Variants in MCCC1 observed in about 807,000 individuals in gnomAD.
MCCC1 encodes methylcrotonoyl-CoA carboxylase subunit alpha, mitochondrial.
In MCCC1, 64 loss-of-function variants were observed where a neutral mutation model predicts 83.8. The ratio of observed to expected loss-of-function variants is 0.76; its 90% CI spans 0.62 to 0.94. The LOEUF is 0.94. Among genes scored for constraint, MCCC1 ranks in the 40% least tolerant of loss-of-function variants. The probability of loss-of-function intolerance (pLI) is 0.00; values close to 1 mark genes in which losing one functional copy is unlikely to be tolerated. For synonymous variants in MCCC1, 322 were observed against 315.4 expected (o/e 1.02, Z -0.22); for missense variants, 807 against 904.7 (o/e 0.89, Z 1.39).
intron 1 of MCCC1, among the ~76,000 whole-genome samples, chr3:183,109,041 G>C (rs2108585758): frequency 6.6e-6 from 1 of 152,242 alleles, no homozygotes; most frequent in Admixed American, 6.5e-5. Flanking sequence ...GCCCAAGCTG[G>C]AGTGCAGTGG....
intron 8 of MCCC1, among the ~76,000 whole-genome samples, chr3:183,052,895 A>T (rs1715099837): frequency 1.3e-5 from 2 of 150,986 alleles, no homozygotes; most frequent in Admixed American, 6.6e-5. Context: ...TTGTTTTTTT[A>T]ATTTACTATA....
intron 12 of MCCC1, 111 bp downstream of exon 12, chr3:183,038,915 G>T: frequency 1.0e-6 from 1 of 980,674 alleles, no homozygotes; most frequent in Non-Finnish European, 1.6e-6. Flanking sequence ...TTGGGCAATT[G>T]ATGGAAATAG....
chr3:183,113,263 G>C (rs978927117), intron 1 of MCCC1, among the ~76,000 whole-genome samples: 3 of 151,464 alleles, frequency 2.0e-5, no homozygotes, highest in Non-Finnish European at 2.9e-5. Context: ...AGTGGTGGGA[G>C]CCTGTGGTTC....
At chr3:183,100,815 G>T (rs1299558625), upstream of MCCC1, among the ~76,000 whole-genome samples, 5 of 152,254 alleles carry the variant, frequency 3.3e-5, no homozygotes, top group Non-Finnish European at 7.3e-5. Flanking sequence ...GAGCCCTTCA[G>T]TCCCCCACTG....
chr3:183,112,887 A>G (rs1719522647), intron 1 of MCCC1, among the ~76,000 whole-genome samples: 2 of 151,880 alleles, frequency 1.3e-5, no homozygotes, highest in Admixed American at 1.3e-4. Context: ...CAGCCTGGCA[A>G]TGTAGTGAGA....
At chr3:183,050,679 C>G (rs1427670979) in intron 9 of MCCC1, among the ~76,000 whole-genome samples, 39 of 135,188 alleles carry the variant, frequency 2.9e-4, no homozygotes, top group Non-Finnish European at 4.1e-4. Flanking sequence ...GCATTCCAGC[C>G]TGGGAGACAG....
intron 3 of MCCC1, among the ~76,000 whole-genome samples, chr3:183,091,913 C>G (rs921566898): frequency 5.3e-5 from 8 of 152,054 alleles, no homozygotes; most frequent in African/African-American, 1.7e-4. Flanking sequence ...TGGAGGGCAC[C>G]TATAGTTCCA....
upstream of MCCC1, among the ~76,000 whole-genome samples, chr3:183,102,291 A>G (rs1719324809): frequency 1.3e-5 from 2 of 152,134 alleles, no homozygotes; most frequent in Admixed American, 1.3e-4. Context: ...TGAGCCCAGG[A>G]GTTTGAAGCT....
At chr3:183,109,298 A>G (rs1436881912) in intron 1 of MCCC1, among the ~76,000 whole-genome samples, 1 of 151,880 alleles carries the variant, frequency 6.6e-6, no homozygotes, top group Non-Finnish European at 1.5e-5. Flanking sequence ...GGCCATGTGT[A>G]GGTTATTTAT....
intron 1 of MCCC1, 52 bp downstream of exon 1, chr3:183,099,300 G>A (rs535680063): frequency 4.5e-6 from 7 of 1,544,084 alleles, no homozygotes; most frequent in Non-Finnish European, 5.2e-6. Context: ...ACGCGGGTCC[G>A]TGCACCCCTC....
intron 7 of MCCC1, among the ~76,000 whole-genome samples, chr3:183,060,729 C>T (rs1404807424): frequency 6.6e-6 from 1 of 152,174 alleles, no homozygotes; most frequent in Non-Finnish European, 1.5e-5. Context: ...CCCCGCTCCC[C>T]CAACCCCACG....
upstream of MCCC1, chr3:183,099,649 C>T: frequency 1.6e-6 from 1 of 635,282 alleles, no homozygotes; most frequent in Non-Finnish European, 2.8e-6. Flanking sequence ...GACGATTGGG[C>T]AGTCTGGCCA....
intron 16 of MCCC1, among the ~76,000 whole-genome samples, chr3:183,021,110 G>A (rs373001645): frequency 2.0e-5 from 3 of 152,188 alleles, no homozygotes; most frequent in African/African-American, 4.8e-5. Context: ...AGTAGCCACT[G>A]TCTGGAAGCC....
intron 10 of MCCC1, among the ~76,000 whole-genome samples, chr3:183,044,405 T>C (rs1560227463): frequency 1.3e-5 from 2 of 152,312 alleles, no homozygotes; most frequent in Admixed American, 1.3e-4. Flanking sequence ...AACTTACATG[T>C]TTGAAAAATA....
intron 7 of MCCC1, among the ~76,000 whole-genome samples, chr3:183,058,444 T>A (rs1715586643): frequency 6.6e-6 from 1 of 152,062 alleles, no homozygotes; most frequent in Non-Finnish European, 1.5e-5. Context: ...AGTGAGACTC[T>A]GTTTCTAAAA....
intron 10 of MCCC1, 121 bp from the exon 11 acceptor site, chr3:183,041,871 A>G: frequency 9.1e-7 from 1 of 1,097,962 alleles, no homozygotes. Context: ...ATGCAGCCAA[A>G]TAAAAACTAT....
chr3:183,099,718 G>A, upstream of MCCC1: 2 of 548,126 alleles, frequency 3.6e-6, no homozygotes, highest in Admixed American at 3.1e-5. Context: ...TCTGACTAAG[G>A]CAAGGGTTTT....
At chr3:183,030,338 CA>C (rs915523529) in intron 14 of MCCC1, among the ~76,000 whole-genome samples, 1 of 151,948 alleles carries the variant, frequency 6.6e-6, no homozygotes, top group Non-Finnish European at 1.5e-5. Flanking sequence ...CCAATACACA[CA>C]AAAAAAATTC....
chr3:183,066,161 T>G (rs1215525146), intron 7 of MCCC1, among the ~76,000 whole-genome samples: 1 of 152,196 alleles, frequency 6.6e-6, no homozygotes, highest in Non-Finnish European at 1.5e-5. Flanking sequence ...ATCAGTATAA[T>G]TATAACTGTT....
Sources: allele counts gnomAD v4.1 joint callset (sites outside exome capture counted in the v4.1 genomes callset), GRCh38; gene constraint gnomAD v4.1.1; transcripts MANE v1.5; gene names NCBI Gene and HGNC (gene_info 2026-07-23, HGNC 2026-07-21).